ITGAM: variants seen among roughly 807,000 people sequenced by gnomAD.
ITGAM encodes the protein integrin subunit alpha M, also known as integrin alpha-M.
ITGAM carries 79 observed loss-of-function variants against 137.5 expected under a neutral mutation model. The ratio of observed to expected loss-of-function variants is 0.57; its 90% CI spans 0.48 to 0.69. The LOEUF is 0.69. Ranked by LOEUF, ITGAM falls within the 30% of genes least tolerant of loss-of-function variation. The probability of loss-of-function intolerance (pLI) is 0.00; values close to 1 mark genes in which losing one functional copy is unlikely to be tolerated. For missense variants in ITGAM, 1,343 were observed against 1,483.5 expected (o/e 0.91, Z 1.56); for synonymous variants, 583 against 592.3 (o/e 0.98, Z 0.23).
chr16:31,308,223 GT>G (rs1819526385), intron 14 of ITGAM, among the ~76,000 whole-genome samples: 1 of 152,120 alleles, frequency 6.6e-6, no homozygotes, highest in Non-Finnish European at 1.5e-5. Flanking sequence ...AGAAGGAATG[GT>G]ACCATCTCCT....
At chr16:31,304,539 A>T (rs1158831991) in intron 14 of ITGAM, among the ~76,000 whole-genome samples, 1 of 152,098 alleles carries the variant, frequency 6.6e-6, no homozygotes, top group African/African-American at 2.4e-5. Flanking sequence ...TGCCTAGGCC[A>T]ATGTCCAGAA....
chr16:31,306,976 G>A (rs184022598), intron 14 of ITGAM, among the ~76,000 whole-genome samples: 2 of 151,880 alleles, frequency 1.3e-5, no homozygotes, highest in African/African-American at 4.8e-5. Context: ...ACACATAAAC[G>A]CAAGTGAGAC....
Position 31,321,622 on chromosome 16 carries a change from G to A in ITGAM, c.1997G>A (p.Arg666Lys). The A allele has an allele frequency of 4.3e-6, 7 of 1,613,608 alleles. No homozygotes were observed. The highest frequency in any genetic ancestry group is 5.9e-6 in the Non-Finnish European group (7 of 1,179,722). The change falls in exon 16 of 30, where the codon AGA (arginine) becomes AAA (lysine). Residue 666 changes from arginine to lysine, a missense_variant. Arg to Lys is a conservative substitution (Grantham distance 26, BLOSUM62 2). Coordinates refer to ENST00000544665, the MANE Select transcript of ITGAM (RefSeq NM_000632.4). ...HVQKSTRDRLREGQIQSVVTY... is the reference protein window; with the variant it reads ...HVQKSTRDRLKEGQIQSVVTY... ...CAGAAGAGCACACGGGATCGGCTAA[G>A]AGAAGGTGAGGCTTGGTGGATGAGT...
At position 31,297,617 on chromosome 16, in the gene ITGAM, G is replaced by T. The variant is rs762688542; in HGVS notation, c.1460G>T (p.Arg487Leu). 4 of 1,613,246 alleles carry T rather than the reference G, an allele frequency of 2.5e-6. No individual in the cohort carries two copies. The highest frequency in any genetic ancestry group is 2.5e-6 in the Non-Finnish European group (3 of 1,179,944). ...IGAPHYYEQT[R>L]GGQVSVCPLP... ...GCCCCCCATTACTACGAGCAGACCC[G>T]AGGGGGCCAGGTGTCCGTGTGCCCC... Residue 487 changes from arginine (R) to leucine (L), a missense_variant, in exon 13 of 30, where the codon CGA becomes CTA. Arg to Leu is a moderately radical substitution (Grantham distance 102). Transcript: ENST00000544665.
intron 7 of ITGAM, among the ~76,000 whole-genome samples, chr16:31,272,422 A>AATATATATATATATATATATAT (rs2079850545): frequency 2.0e-5 from 1 of 48,976 alleles, no homozygotes; most frequent in Non-Finnish European, 3.8e-5. Context: ...AGGCCAATTA[A>AATATATATATATATATATATAT]CTATATATAT....
chr16:31,318,973 A>G (rs2080420437), intron 14 of ITGAM, among the ~76,000 whole-genome samples: 1 of 151,714 alleles, frequency 6.6e-6, no homozygotes, highest in South Asian at 2.1e-4. Flanking sequence ...TAGTTGTTCA[A>G]TGGTGTATTG....
intron 22 of ITGAM, 83 bp downstream of exon 22, chr16:31,327,018 C>A: frequency 1.0e-6 from 1 of 981,808 alleles, no homozygotes; most frequent in Non-Finnish European, 1.7e-6. Flanking sequence ...TTGCCCTTTG[C>A]CCACTGGTTC....
chr16:31,329,139 C>G, intron 23 of ITGAM, 89 bp from the exon 24 acceptor site: 1 of 767,100 alleles, frequency 1.3e-6, no homozygotes. Flanking sequence ...ACCCATGTGC[C>G]TGTTCGCTCC....
chr16:31,293,279 T>C (rs998225358), intron 12 of ITGAM, among the ~76,000 whole-genome samples: 1 of 152,188 alleles, frequency 6.6e-6, no homozygotes, highest in Non-Finnish European at 1.5e-5. Flanking sequence ...TTTGCTTTTG[T>C]TGAGATTGCT....
intron 29 of ITGAM, 172 bp downstream of exon 29, chr16:31,331,447 G>T (rs944278618): frequency 1.5e-6 from 1 of 668,098 alleles, no homozygotes; most frequent in Non-Finnish European, 2.6e-6. Flanking sequence ...CGCGGGGCGC[G>T]CTGAGAACGA....
At chr16:31,290,534 G>A (rs1398306096) in intron 12 of ITGAM, among the ~76,000 whole-genome samples, 3 of 151,972 alleles carry the variant, frequency 2.0e-5, no homozygotes, top group African/African-American at 4.8e-5. Flanking sequence ...ATACAACATC[G>A]TTTCATGATT....
At position 31,331,928 on chromosome 16, in the gene ITGAM, C is replaced by T. The variant is rs2144515293; in HGVS notation, c.*221C>T. 1 of 562,550 alleles carries T rather than the reference C, an allele frequency of 1.8e-6. No individual in the cohort carries two copies. The highest frequency in any genetic ancestry group is 3.1e-6 in the Non-Finnish European group (1 of 318,658). 34.8% of individuals were successfully genotyped at this position (562,550 alleles called of 1,614,324 possible). ...GTGTGCGTGCATGTGCACTTGCACG[C>T]CCATGTGTGAGTGTGTGCAAGTATG... is the stretch of plus-strand genomic sequence containing the variant. On this transcript the variant is annotated 3_prime_UTR_variant, in exon 30 of 30. Coordinates refer to ENST00000544665, the MANE Select transcript of ITGAM (RefSeq NM_000632.4).
chr16:31,324,888 TTTA>T lies in ITGAM; in HGVS notation c.2290-67_2290-65del. 6.5e-7 allele frequency: 1 copy of T among 1,549,424 alleles called. No homozygotes were observed. The highest frequency in any genetic ancestry group is 8.8e-7 in the Non-Finnish European group (1 of 1,141,762). On this transcript the variant is annotated intron_variant, in intron 18 of 29. Coordinates refer to ENST00000544665, the MANE Select transcript of ITGAM (RefSeq NM_000632.4). This position sits in a 1 kb window ranked among gnomAD's most constrained non-coding sequence, Gnocchi z 4.5. ...ATCTAATTTTACTTCAACATTTGAT[TTTA>T]TTGTTTAATTTCACAATACTTGGTT...
At chr16:31,312,125 G>T (rs1300584155) in intron 14 of ITGAM, among the ~76,000 whole-genome samples, 1 of 132,596 alleles carries the variant, frequency 7.5e-6, no homozygotes, top group Admixed American at 8.3e-5. Context: ...TCACACACCA[G>T]GGACTGTTGT....
Position 31,266,045 on chromosome 16 carries a change from G to A in ITGAM, c.325G>A (p.Val109Met), listed in dbSNP as rs770972324. 25 of 1,613,662 alleles carry A rather than the reference G, an allele frequency of 1.5e-5. No homozygotes were observed. The highest frequency in any genetic ancestry group is 4.4e-5 in the South Asian group (4 of 91,084). Residue 109 changes from valine (V) to methionine (M), a missense_variant, in exon 5 of 30, where the codon GTG becomes ATG. Physicochemically the swap from Val to Met is conservative, Grantham distance 21. Coordinates refer to ENST00000544665, the MANE Select transcript of ITGAM (RefSeq NM_000632.4). ...TGTCCCCTAGGCCTGTGGTCCCACCGTGCACCAGACTTGCAGTGAGAACAC... is the reference window on the plus strand; with the variant it reads ...TGTCCCCTAGGCCTGTGGTCCCACCATGCACCAGACTTGCAGTGAGAACAC... ...PPQLLACGPT[V>M]HQTCSENTYV... is the part of the protein sequence containing the mutation.
At chr16:31,329,074 C>CCT in intron 23 of ITGAM, 154 bp from the exon 24 acceptor site, 7 of 249,264 alleles carry the variant, frequency 2.8e-5, no homozygotes, top group South Asian at 9.5e-5. Context: ...CACATTGGTT[C>CCT]CCCCATCCCC....
At chr16:31,290,444 A>G (rs2080075770) in intron 12 of ITGAM, among the ~76,000 whole-genome samples, 2 of 152,226 alleles carry the variant, frequency 1.3e-5, no homozygotes, top group Admixed American at 6.5e-5. Flanking sequence ...GAAGAAAACA[A>G]TGTGATTCAC....
At position 31,302,940 on chromosome 16, in the gene ITGAM, CT is replaced by C. The variant is rs1360043012; in HGVS notation, c.1707+4989del. On this transcript the variant is annotated intron_variant, in intron 14 of 29. Transcript: ENST00000544665. ...TCCCTCTTTCTTTCTTTCTTTCTTT[CT>C]TTCTTTCTTTCTTTCTTTCTTTCTT... 4.1e-5 allele frequency among the ~76,000 whole-genome samples: 4 copies of C among 97,166 alleles called. 1 individual carries two copies. Among genetic ancestry groups the C allele is most frequent in the East Asian group, 4.0e-4 (1 of 2,484 alleles). The allele number at this position is 97,166 out of a possible 152,430, so 63.7% of individuals were successfully genotyped here. A position where few individuals can be genotyped will look rare whatever the true frequency, so the allele number is the denominator to read the frequency against.
At chr16:31,328,739 C>CAT (rs1401354102) in intron 23 of ITGAM, among the ~76,000 whole-genome samples, 1 of 123,608 alleles carries the variant, frequency 8.1e-6, no homozygotes, top group African/African-American at 3.2e-5. Flanking sequence ...TGTATTTGTG[C>CAT]GTATGTCTGA....
Sources: allele counts gnomAD v4.1 joint callset (sites outside exome capture counted in the v4.1 genomes callset), GRCh38; gene constraint gnomAD v4.1.1; non-coding constraint Gnocchi (gnomAD v3.1); transcripts MANE v1.5; gene names NCBI Gene and HGNC (gene_info 2026-07-23, HGNC 2026-07-21).